Variants in NFAT5 observed in about 807,000 individuals in gnomAD.
The protein encoded by NFAT5 is nuclear factor of activated T-cells 5.
NFAT5 carries 31 observed loss-of-function variants against 166.5 expected under a neutral mutation model. That is an observed-to-expected ratio of 0.19 (90% confidence interval 0.14 to 0.25). NFAT5 has a LOEUF of 0.25. NFAT5 is among the 10% of genes least tolerant of loss of function. The pLI, the probability that NFAT5 is intolerant of heterozygous loss-of-function variation, is 1.00. For missense variants in NFAT5, 1,449 were observed against 1,821.8 expected, an observed-to-expected ratio of 0.80 and a Z score of 3.72; for synonymous variants, 612 against 639.7, an observed-to-expected ratio of 0.96 and a Z score of 0.65.
At chr16:69,670,316 G>A (rs553434822) in intron 9 of NFAT5, 28 bp downstream of exon 9, 45 of 1,411,536 alleles carry the variant, frequency 3.2e-5, no homozygotes, top group Non-Finnish European at 4.2e-5. Context: ...TTTATAATTT[G>A]GTTATTTACT....
At chr16:69,685,635 T>C (rs2037268712) in intron 11 of NFAT5, 1 of 151,952 alleles carries the variant, frequency 6.6e-6, no homozygotes, top group Non-Finnish European at 1.5e-5. Flanking sequence ...GGAAGATTAC[T>C]TGAGTCCAGA....
At chr16:69,691,699 C>A in intron 12 of NFAT5, 50 bp from the exon 13 acceptor site, 1 of 1,426,996 alleles carries the variant, frequency 7.0e-7, no homozygotes, top group South Asian at 1.4e-5. Flanking sequence ...ATGTTACAAA[C>A]TTGTTTAATG....
intron 2 of NFAT5, among the ~76,000 whole-genome samples, chr16:69,579,458 C>CT (rs1263783885): frequency 1.3e-5 from 2 of 151,498 alleles, no homozygotes; most frequent in Non-Finnish European, 2.9e-5. Flanking sequence ...CTAATTATTG[C>CT]TTTTTTTTAA....
chr16:69,679,726 TAGG>T (rs2036977030), intron 10 of NFAT5, among the ~76,000 whole-genome samples: 1 of 152,166 alleles, frequency 6.6e-6, no homozygotes, highest in Non-Finnish European at 1.5e-5. Context: ...TCAACAAAAA[TAGG>T]AGAAAGAAGA....
At position 69,647,231 on chromosome 16, in the gene NFAT5, A is replaced by G. The variant is rs1453397225; in HGVS notation, c.457A>G (p.Thr153Ala). ...TSNTVQQHPS[T>A]PKRHTVLYIS... ...TAACACAGTTCAGCAGCATCCATCA[A>G]CACCGAAGAGGCACACAGTCTTGTA... The change falls in exon 4 of 15, where the codon ACA becomes GCA. Residue 153 changes from threonine (T) to alanine (A), a missense_variant. This residue lies in a region of NFAT5 where 172 missense variants were observed against 194.5 expected (regional missense o/e 0.88). Transcript: ENST00000349945. This position sits in a 1 kb window ranked among gnomAD's most constrained non-coding sequence, Gnocchi z 4.8. The G allele has an allele frequency of 6.2e-7, 1 of 1,614,096 alleles. No individual in the cohort carries two copies. The highest frequency in any genetic ancestry group is 8.5e-7 in the Non-Finnish European group (1 of 1,179,950).
rs1372027035 is a variant in NFAT5 at position 69,703,830 on chromosome 16, C to T, written c.*7479C>T. 4 of 152,568 alleles carry T rather than the reference C, an allele frequency of 2.6e-5. No individual in the cohort carries two copies. Among genetic ancestry groups the T allele is most frequent in the African/African-American group, 9.7e-5 (4 of 41,440 alleles). 9.5% of individuals were successfully genotyped at this position (152,568 alleles called of 1,614,324 possible). ...CTACCACAGTTCTATTTGACTCCCA[C>T]TTGTAATAACTCCTTTAAAAAATTC... is the stretch of plus-strand genomic sequence containing the variant. On this transcript the variant is annotated 3_prime_UTR_variant, in exon 15 of 15. Coordinates refer to ENST00000349945, the MANE Select transcript of NFAT5 (RefSeq NM_138713.4).
chr16:69,599,038 AAAGTC>A (rs2032975760), intron 2 of NFAT5, among the ~76,000 whole-genome samples: 1 of 151,636 alleles, frequency 6.6e-6, no homozygotes, highest in Non-Finnish European at 1.5e-5. Flanking sequence ...AAAAAAAAAA[AAAGTC>A]AGGGTATGGG....
At chr16:69,618,973 C>T (rs192345472) in intron 2 of NFAT5, among the ~76,000 whole-genome samples, 7 of 152,230 alleles carry the variant, frequency 4.6e-5, no homozygotes, top group Admixed American at 6.5e-5. Flanking sequence ...TACTTGACAA[C>T]GAAACAGAAA....
chr16:69,610,800 T>G (rs1243688295), intron 2 of NFAT5, among the ~76,000 whole-genome samples: 1 of 152,238 alleles, frequency 6.6e-6, no homozygotes, highest in Non-Finnish European at 1.5e-5. Flanking sequence ...CCCTTAAAAC[T>G]ACATTCATTA....
At chr16:69,651,883 G>A (rs2035684688) in intron 4 of NFAT5, among the ~76,000 whole-genome samples, 1 of 151,982 alleles carries the variant, frequency 6.6e-6, no homozygotes, top group Non-Finnish European at 1.5e-5. Context: ...TGTTGGCCAG[G>A]ATGGTCTCAA....
chr16:69,661,662 A>C (rs1427853542), intron 7 of NFAT5, among the ~76,000 whole-genome samples: 1 of 151,718 alleles, frequency 6.6e-6, no homozygotes, highest in Non-Finnish European at 1.5e-5. Context: ...TCATTTAGTC[A>C]ACATAAATTA....
chr16:69,587,796 A>T (rs2032180795), intron 2 of NFAT5, among the ~76,000 whole-genome samples: 1 of 152,310 alleles, frequency 6.6e-6, no homozygotes, highest in Non-Finnish European at 1.5e-5. Flanking sequence ...ATGAGAGAAT[A>T]GGAATATGAC....
chr16:69,663,814 A>G (rs758886745), intron 7 of NFAT5, among the ~76,000 whole-genome samples: 7 of 152,110 alleles, frequency 4.6e-5, no homozygotes, highest in Non-Finnish European at 1.0e-4. Context: ...GAGTTCAAGG[A>G]TACAGTGAGC....
chr16:69,667,433 T>C (rs2036439405), intron 7 of NFAT5, among the ~76,000 whole-genome samples: 1 of 151,680 alleles, frequency 6.6e-6, no homozygotes, highest in East Asian at 1.9e-4. Flanking sequence ...AGATTCAATA[T>C]ACTTCTTTTC....
intron 3 of NFAT5, among the ~76,000 whole-genome samples, chr16:69,627,997 G>C (rs1223163925): frequency 1.3e-5 from 2 of 152,060 alleles, no homozygotes; most frequent in African/African-American, 2.4e-5. Context: ...TTTTGAGATT[G>C]TTTTTTAAAG....
intron 7 of NFAT5, among the ~76,000 whole-genome samples, chr16:69,664,167 TATTCTGTTAACTATGTTGTTCTAC>T (rs1189442534): frequency 2.0e-5 from 3 of 152,360 alleles, no homozygotes; most frequent in African/African-American, 4.8e-5. Context: ...TACTCTAAAA[TATTCTGTTAACTATGTTGTTCTAC>T]TAGACATTAT....
chr16:69,689,570 G>T (rs543472402), intron 11 of NFAT5, among the ~76,000 whole-genome samples: 1 of 152,338 alleles, frequency 6.6e-6, no homozygotes, highest in South Asian at 2.1e-4. Context: ...TTTTGAGACA[G>T]TCTTGCTCCG....
chr16:69,678,995 G>T (rs908497414), intron 10 of NFAT5, among the ~76,000 whole-genome samples: 1 of 151,962 alleles, frequency 6.6e-6, no homozygotes, highest in Non-Finnish European at 1.5e-5. Context: ...GTGCAGTAGC[G>T]TGATCCTGGG....
chr16:69,655,507 A>G (rs2035841244), intron 5 of NFAT5, 102 bp from the exon 6 acceptor site: 1 of 864,966 alleles, frequency 1.2e-6, no homozygotes, highest in Admixed American at 3.3e-5. Flanking sequence ...TTTTAAATGT[A>G]ATTCAGTTAC....
Sources: gnomAD v4.1 joint callset for allele counts (sites outside exome capture counted in the v4.1 genomes callset) on GRCh38, gnomAD v4.1.1 for gene constraint, gnomAD v4.1.1 regional missense constraint, Gnocchi (gnomAD v3.1) non-coding constraint, MANE v1.5 for transcripts, NCBI Gene and HGNC (gene_info 2026-07-23, HGNC 2026-07-21) for gene names.